Variants in FRMPD1 observed in about 807,000 individuals in gnomAD.
The protein encoded by FRMPD1 is FERM and PDZ domain-containing protein 1.
In FRMPD1, 76 loss-of-function variants were observed where a neutral mutation model predicts 117.8. The observed-to-expected ratio is 0.65, with a 90% CI of 0.54 to 0.78. FRMPD1 has a LOEUF of 0.78. FRMPD1 is among the 30% of genes least tolerant of loss of function. The pLI is 0.00. For missense variants in FRMPD1, 1,786 were observed against 1,964.5 expected (o/e 0.91, Z 1.72); for synonymous variants, 783 against 770.4 (o/e 1.02, Z -0.27).
chr9:37,645,119 G>C, the FRMPD1 span, among the ~76,000 whole-genome samples: 33 of 150,668 alleles, frequency 2.2e-4, no homozygotes, highest in African/African-American at 7.3e-4. Context: ...AAAAAAGAGA[G>C]AGAGAGAATT....
intron 7 of FRMPD1, among the ~76,000 whole-genome samples, chr9:37,726,424 G>A (rs918857610): frequency 3.3e-5 from 5 of 152,176 alleles, no homozygotes; most frequent in Admixed American, 3.3e-4. Context: ...GGGGCCGGGT[G>A]CAGTGGCTCA....
intron 13 of FRMPD1, 82 bp from the exon 14 acceptor site, chr9:37,737,014 T>G: frequency 8.7e-6 from 9 of 1,035,666 alleles, no homozygotes; most frequent in South Asian, 2.8e-5. Flanking sequence ...GAATCTCTCG[T>G]TGGTCCCACA....
At chr9:37,731,389 A>G (rs1483213544) in intron 9 of FRMPD1, among the ~76,000 whole-genome samples, 1 of 152,184 alleles carries the variant, frequency 6.6e-6, no homozygotes, top group East Asian at 1.9e-4. Flanking sequence ...TTTATTGCCA[A>G]AAGGGGCCTT....
chr9:37,663,033 C>G (rs1398030211), intron 1 of FRMPD1, among the ~76,000 whole-genome samples: 1 of 152,216 alleles, frequency 6.6e-6, no homozygotes, highest in Non-Finnish European at 1.5e-5. Flanking sequence ...ACTCATCCCT[C>G]TCTTGTATTT....
At chr9:37,721,072 G>A (rs1823379483) in intron 6 of FRMPD1, among the ~76,000 whole-genome samples, 1 of 152,182 alleles carries the variant, frequency 6.6e-6, no homozygotes, top group African/African-American at 2.4e-5. Context: ...TGTCTATGCT[G>A]AGGGGACCAG....
At chr9:37,615,830 T>C in the FRMPD1 span, among the ~76,000 whole-genome samples, 49 of 152,124 alleles carry the variant, frequency 3.2e-4, 1 homozygote, top group African/African-American at 1.2e-3. Flanking sequence ...TTTTTTTTTT[T>C]GAGACAGAGT....
At chr9:37,693,009 TACAC>T (rs576020823) in intron 2 of FRMPD1, 2 of 524,764 alleles carry the variant, frequency 3.8e-6, no homozygotes, top group East Asian at 3.3e-5. Context: ...CACACAGACA[TACAC>T]ACAGAAATAC....
chr9:37,693,650 G>A (rs1045304346), intron 2 of FRMPD1, among the ~76,000 whole-genome samples: 5 of 152,166 alleles, frequency 3.3e-5, no homozygotes, highest in African/African-American at 1.2e-4. Flanking sequence ...ATTATAGGAG[G>A]AAGCTTAAAC....
chr9:37,637,018 G>T, the FRMPD1 span: 1 of 1,551,808 alleles, frequency 6.4e-7, no homozygotes, highest in Non-Finnish European at 8.9e-7. Context: ...AGGATTCCTG[G>T]TCAGTGACGT....
chr9:37,686,881 C>G (rs916267076), intron 1 of FRMPD1, among the ~76,000 whole-genome samples: 1 of 152,144 alleles, frequency 6.6e-6, no homozygotes, highest in African/African-American at 2.4e-5. Context: ...TGTGCCTCTT[C>G]CAGTGCTGTG....
intron 1 of FRMPD1, among the ~76,000 whole-genome samples, chr9:37,685,460 G>C (rs555300081): frequency 6.6e-6 from 1 of 151,840 alleles, no homozygotes; most frequent in Non-Finnish European, 1.5e-5. Flanking sequence ...TGGCTAACAC[G>C]GTGAAACCCT....
chr9:37,685,087 A>G (rs1415286405), intron 1 of FRMPD1, among the ~76,000 whole-genome samples: 1 of 152,156 alleles, frequency 6.6e-6, no homozygotes, highest in Admixed American at 6.5e-5. Context: ...CTCAAGTAGC[A>G]CTTGTAAAAC....
chr9:37,640,427 CT>C, the FRMPD1 span, among the ~76,000 whole-genome samples: 3 of 152,230 alleles, frequency 2.0e-5, no homozygotes, highest in Non-Finnish European at 4.4e-5. Context: ...TGGAGCTGCA[CT>C]AATGGACACA....
rs1444633437 is a variant in FRMPD1, at chr9:37,745,624, C to G, written c.3592C>G (p.Gln1198Glu). The part of the protein sequence containing the change: ...PPGQGCQAQE[Q>E]KLFVELDLDP... ...AGGGCAAGGCTGCCAGGCTCAAGAA[C>G]AAAAACTATTCGTAGAGTTGGATTT... Residue 1198 changes from glutamine (Q) to glutamate (E), a missense_variant, in exon 16 of 16, where the codon CAA becomes GAA. Transcript: ENST00000377765. 1.2e-6 allele frequency: 2 copies of G among 1,614,200 alleles called. No individual in the cohort carries two copies. Among genetic ancestry groups the G allele is most frequent in the Admixed American group, 3.3e-5 (2 of 60,030 alleles).
rs141980929 is a variant in FRMPD1 at position 37,746,574 on chromosome 9, C to T, written c.4542C>T (p.Ser1514=). ...AGTTCACAGACTGTAGCCGCTGCTC[C>T]GCCCGGCACAGGGAGGCAGCGGGGA... ...CFQFTDCSRC[S]ARHREAAGNL... Residue 1514 remains serine, a synonymous_variant, in exon 16 of 16, where the codon TCC becomes TCT. Coordinates refer to ENST00000377765, the MANE Select transcript of FRMPD1 (RefSeq NM_014907.3). 5.5e-5 allele frequency: 88 copies of T among 1,613,796 alleles called. No homozygotes were observed. Among genetic ancestry groups the T allele is most frequent in the Middle Eastern group, 3.3e-4 (2 of 6,062 alleles).
intron 1 of FRMPD1, among the ~76,000 whole-genome samples, chr9:37,662,522 A>G (rs1821031561): frequency 6.6e-6 from 1 of 152,204 alleles, no homozygotes; most frequent in Non-Finnish European, 1.5e-5. Context: ...GTGGTAGGGA[A>G]TACAGGGCTG....
intron 1 of FRMPD1, among the ~76,000 whole-genome samples, chr9:37,655,418 G>A (rs967517971): frequency 1.3e-5 from 2 of 151,140 alleles, no homozygotes; most frequent in Non-Finnish European, 2.9e-5. Context: ...CTGAAGTCCC[G>A]AGTCCTCAGC....
intron 1 of FRMPD1, among the ~76,000 whole-genome samples, 157 bp downstream of exon 1, chr9:37,651,251 T>C (rs1025203705): frequency 2.0e-5 from 3 of 152,146 alleles, no homozygotes; most frequent in Non-Finnish European, 4.4e-5. Flanking sequence ...CAAGCCCGGC[T>C]CGGGGGCGCG....
intron 2 of FRMPD1, among the ~76,000 whole-genome samples, chr9:37,706,729 G>C (rs181109667): frequency 2.0e-5 from 3 of 152,168 alleles, no homozygotes; most frequent in Admixed American, 6.5e-5. Context: ...CAGTTACAAA[G>C]CTTAAAGGGA....
Sources: allele counts gnomAD v4.1 joint callset (sites outside exome capture counted in the v4.1 genomes callset), GRCh38; gene constraint gnomAD v4.1.1; transcripts MANE v1.5; gene names NCBI Gene and HGNC (gene_info 2026-07-23, HGNC 2026-07-21).